Variants in DGKG observed in about 807,000 individuals in gnomAD.
DGKG encodes the protein DAG kinase gamma.
DGKG carries 78 observed loss-of-function variants against 105.3 expected under a neutral mutation model. The ratio of observed to expected loss-of-function variants is 0.74; its 90% confidence interval spans 0.62 to 0.89. The LOEUF (loss-of-function observed/expected upper bound fraction) is 0.89. Ranked by LOEUF, DGKG falls within the 40% of genes least tolerant of loss-of-function variation. The pLI is 0.00. For missense variants in DGKG, 958 were observed against 1,020.1 expected (o/e 0.94, Z 0.83); for synonymous variants, 346 against 367.1 (o/e 0.94, Z 0.66).
At chr3:186,241,435 C>T (rs755781499) in intron 20 of DGKG, among the ~76,000 whole-genome samples, 15 of 152,028 alleles carry the variant, frequency 9.9e-5, no homozygotes, top group Non-Finnish European at 1.9e-4. Context: ...CGCCTGTAGT[C>T]CCAGCTACTC....
intron 3 of DGKG, among the ~76,000 whole-genome samples, chr3:186,301,431 T>A (rs1416030820): frequency 1.3e-5 from 2 of 152,142 alleles, no homozygotes; most frequent in African/African-American, 2.4e-5. Context: ...ATCGAGACCA[T>A]CCTGGCTAAC....
chr3:186,209,093 C>CTTTTTTTTTTTTTTTTTTTTTTTTT (rs34226259), intron 21 of DGKG, among the ~76,000 whole-genome samples: 2 of 89,838 alleles, frequency 2.2e-5, no homozygotes, highest in African/African-American at 9.6e-5. Context: ...GTTTACTCTT[C>CTTTTTTTTTTTTTTTTTTTTTTTTT]TTTTTTTTTT....
intron 13 of DGKG, among the ~76,000 whole-genome samples, chr3:186,266,175 C>T (rs57420784): frequency 0.052 from 7,877 of 152,272 alleles, 232 homozygotes; most frequent in South Asian, 0.11. Context: ...TGTTGTGACT[C>T]CTGATACCAC....
intron 20 of DGKG, among the ~76,000 whole-genome samples, chr3:186,224,157 G>A (rs975326759): frequency 1.3e-5 from 2 of 152,102 alleles, no homozygotes; most frequent in African/African-American, 4.8e-5. Flanking sequence ...CTTCTGTTTG[G>A]TCCTCAAGTA....
chr3:186,332,679 C>A (rs911783852), intron 1 of DGKG, among the ~76,000 whole-genome samples: 1 of 152,194 alleles, frequency 6.6e-6, no homozygotes, highest in African/African-American at 2.4e-5. Context: ...AATATTAACA[C>A]ATGCTTCCCA....
At chr3:186,250,557 C>CTTTTTTTTTTTT (rs10529645) in intron 19 of DGKG, among the ~76,000 whole-genome samples, 90,089 of 114,742 alleles carry the variant, frequency 0.79, 38,059 homozygotes, top group East Asian at 0.96. Context: ...TTCTGTCATT[C>CTTTTTTTTTTTT]TTTTTTTTTT....
intron 21 of DGKG, among the ~76,000 whole-genome samples, chr3:186,197,797 G>T (rs1718257138): frequency 6.6e-6 from 1 of 152,158 alleles, no homozygotes; most frequent in Non-Finnish European, 1.5e-5. Context: ...GTTTTCTGCT[G>T]TACACGCTGC....
intron 3 of DGKG, among the ~76,000 whole-genome samples, chr3:186,305,774 A>G (rs558125842): frequency 1.3e-5 from 2 of 152,280 alleles, no homozygotes; most frequent in South Asian, 4.2e-4. Flanking sequence ...GAATTTGCCA[A>G]TGAATTGGAT....
intron 1 of DGKG, among the ~76,000 whole-genome samples, chr3:186,356,351 G>A (rs1332536328): frequency 3.3e-5 from 5 of 152,176 alleles, no homozygotes; most frequent in Admixed American, 1.3e-4. Context: ...GCAAGTTGGC[G>A]AGGCAGACTG....
In DGKG at chr3:186,313,423, G is replaced by C. The variant is rs970412448; in HGVS notation, c.68-6446C>G. ...TTGTCATAAATGATCTGAATCACTG[G>C]TATGACTTATTTGTGTAAGTAAAAT... On this transcript the variant is annotated intron_variant, in intron 2 of 24. Transcript: ENST00000265022. 3 of 850,270 alleles carry C rather than the reference G, an allele frequency of 3.5e-6. No individual in the cohort carries two copies. In the South Asian group the frequency reaches 1.6e-4, roughly 46 times the overall value. 52.7% of individuals were successfully genotyped at this position (850,270 alleles called of 1,614,324 possible). A position where few individuals can be genotyped will look rare whatever the true frequency, so the allele number is the denominator to read the frequency against.
chr3:186,185,826 G>GTTC (rs1191669959), intron 22 of DGKG, among the ~76,000 whole-genome samples: 1 of 152,144 alleles, frequency 6.6e-6, no homozygotes, highest in Non-Finnish European at 1.5e-5. Context: ...GCCGGGCATG[G>GTTC]TTCTTCACAC....
chr3:186,204,525 A>G (rs191515726), intron 21 of DGKG, among the ~76,000 whole-genome samples: 10 of 152,302 alleles, frequency 6.6e-5, no homozygotes, highest in Admixed American at 6.5e-4. Context: ...TAGAATATGG[A>G]TTCTCATAGG....
chr3:186,242,366 C>A, intron 20 of DGKG, 138 bp downstream of exon 20: 1 of 645,680 alleles, frequency 1.5e-6, no homozygotes, highest in South Asian at 2.0e-5. Flanking sequence ...GAAATGGAAA[C>A]CCTCCTTCCG....
At chr3:186,186,413 C>G (rs886452011) in intron 22 of DGKG, among the ~76,000 whole-genome samples, 1 of 152,174 alleles carries the variant, frequency 6.6e-6, no homozygotes, top group African/African-American at 2.4e-5. Flanking sequence ...GTGTTCAAAC[C>G]TGGCAGCCCA....
chr3:186,252,986 C>T, intron 18 of DGKG, 107 bp downstream of exon 18: 1 of 905,064 alleles, frequency 1.1e-6, no homozygotes, highest in Non-Finnish European at 1.8e-6. Flanking sequence ...GAGTATTATG[C>T]TGCGGAATGT....
chr3:186,315,993 G>A (rs1192032294), intron 2 of DGKG, among the ~76,000 whole-genome samples: 2 of 152,234 alleles, frequency 1.3e-5, no homozygotes, highest in African/African-American at 2.4e-5. Context: ...AGATTTCCAG[G>A]TTACCCTGCT....
At chr3:186,343,172 G>C (rs1370450380) in intron 1 of DGKG, among the ~76,000 whole-genome samples, 1 of 152,212 alleles carries the variant, frequency 6.6e-6, no homozygotes, top group Non-Finnish European at 1.5e-5. Context: ...TGTGAACGAG[G>C]ATTACCAGAA....
intron 2 of DGKG, among the ~76,000 whole-genome samples, chr3:186,315,326 A>T (rs3819852): frequency 0.58 from 87,481 of 151,498 alleles, 25,868 homozygotes; most frequent in Middle Eastern, 0.67. Context: ...AAAATTAACT[A>T]CACACCTCTT....
At chr3:186,299,817 CTT>C (rs747949490) in intron 3 of DGKG, among the ~76,000 whole-genome samples, 209 of 100,576 alleles carry the variant, frequency 2.1e-3, no homozygotes, top group Middle Eastern at 4.4e-3. Context: ...TTCTTTCTTT[CTT>C]TCTTTCTTTC....
Sources: allele counts gnomAD v4.1 joint callset (sites outside exome capture counted in the v4.1 genomes callset), GRCh38; gene constraint gnomAD v4.1.1; transcripts MANE v1.5; gene names NCBI Gene and HGNC (gene_info 2026-07-23, HGNC 2026-07-21).